FAM234A: variants seen among roughly 807,000 people sequenced by gnomAD.
FAM234A encodes the protein protein FAM234A.
In FAM234A, 42 loss-of-function variants were observed where a neutral mutation model predicts 49.1. That is an observed-to-expected ratio of 0.86 (90% CI 0.67 to 1.11). The LOEUF (loss-of-function observed/expected upper bound fraction) is 1.11, where lower values mean the gene tolerates loss of function less well. Ranked by LOEUF, FAM234A falls within the 50% of genes least tolerant of loss-of-function variation. The pLI is 0.00. For synonymous variants in FAM234A, 369 were observed against 316.2 expected, an observed-to-expected ratio of 1.17 and a Z score of -1.77; for missense variants, 815 against 745.2, an observed-to-expected ratio of 1.09 and a Z score of -1.09.
Position 265,353 on chromosome 16 carries a change from C to A in FAM234A, c.*331C>A, listed in dbSNP as rs2051657124. 2.7e-6 allele frequency: 3 copies of A among 1,112,046 alleles called. No homozygotes were observed. Among genetic ancestry groups the A allele is most frequent in the Non-Finnish European group, 3.3e-6 (3 of 910,072 alleles). 68.9% of individuals were successfully genotyped at this position (1,112,046 alleles called of 1,614,324 possible). Reference sequence around the variant, plus strand: ...TTGGGCAGAGCTGGGTCATGCAGCACCCCATCCTTACCCGGTGCCCTCTCC... The same window carrying A: ...TTGGGCAGAGCTGGGTCATGCAGCAACCCATCCTTACCCGGTGCCCTCTCC... On this transcript the variant is annotated 3_prime_UTR_variant, in exon 13 of 13. Transcript: ENST00000399932.
downstream of FAM234A, chr16:268,921 T>TA (rs1350485684): frequency 1.9e-6 from 3 of 1,550,340 alleles, no homozygotes; most frequent in African/African-American, 4.1e-5. Context: ...TTTACTGGTT[T>TA]TAGAGATGGG....
At chr16:262,633 CTG>C (rs1316091216) in intron 8 of FAM234A, 80 bp downstream of exon 8, 1 of 1,426,514 alleles carries the variant, frequency 7.0e-7, no homozygotes, top group Non-Finnish European at 9.2e-7. Context: ...TTCGGACAAT[CTG>C]TGTGGAGCCC....
chr16:264,770 G>T (rs778224635), intron 12 of FAM234A, 41 bp from the exon 13 acceptor site: 1 of 1,606,648 alleles, frequency 6.2e-7, no homozygotes, highest in African/African-American at 1.3e-5. Flanking sequence ...TGCCCTGGCT[G>T]GTCCTGAGCC....
rs118170172 is a variant in FAM234A at position 258,761 on chromosome 16, G to C, written c.269-722G>C. ...CAGAGGCGCCCCTCACCTCCCGGAG[G>C]GGGCAGCTGGGCCCGGCCTATTTTT... On this transcript the variant is annotated intron_variant, in intron 3 of 12. Coordinates refer to ENST00000399932, the MANE Select transcript of FAM234A (RefSeq NM_032039.4). Among the ~76,000 whole-genome samples the C allele has an allele frequency of 7.5e-3, 1,148 of 152,314 alleles. 44 individuals are homozygous for C. In the East Asian group the frequency reaches 0.12, roughly 15 times the overall value.
chr16:255,238 C>T (rs2141288795), intron 3 of FAM234A, among the ~76,000 whole-genome samples: 1 of 152,284 alleles, frequency 6.6e-6, no homozygotes, highest in Middle Eastern at 3.4e-3. Flanking sequence ...CATCCTCCTC[C>T]CTCGGCCTCC....
At chr16:254,948 G>C (rs1052508429) in intron 3 of FAM234A, among the ~76,000 whole-genome samples, 1 of 152,102 alleles carries the variant, frequency 6.6e-6, no homozygotes, top group Non-Finnish European at 1.5e-5. Flanking sequence ...TTCTGCCTCC[G>C]GAGTTCAAGC....
Position 261,434 on chromosome 16 carries a change from C to G in FAM234A, c.628C>G (p.Leu210Val). The change falls in exon 6 of 13, where the codon CTG becomes GTG. Residue 210 changes from leucine to valine, a missense_variant. Coordinates refer to ENST00000399932, the MANE Select transcript of FAM234A (RefSeq NM_032039.4). ...CAGCTTCAGCGGGAATGCGTCCATC[C>G]TGAGCCCTCTGCTGCAGGTGCCTGA... The part of the protein sequence containing the change: ...SSSFSGNASI[L>V]SPLLQVPDVD... 6.2e-7 allele frequency: 1 copy of G among 1,613,714 alleles called. No individual in the cohort carries two copies.
intron 8 of FAM234A, among the ~76,000 whole-genome samples, chr16:263,060 C>T (rs548091141): frequency 1.3e-5 from 2 of 152,188 alleles, no homozygotes; most frequent in South Asian, 2.1e-4. Flanking sequence ...CCTCGTGATC[C>T]GCCCGCCTCG....
chr16:263,937 G>T, intron 10 of FAM234A, 79 bp from the exon 11 acceptor site: 3 of 1,498,412 alleles, frequency 2.0e-6, no homozygotes, highest in Non-Finnish European at 2.8e-6. Context: ...CATGGCTGAG[G>T]GCACGTGTGC....
downstream of FAM234A, among the ~76,000 whole-genome samples, chr16:267,686 C>T (rs1242910157): frequency 1.3e-5 from 2 of 150,912 alleles, no homozygotes; most frequent in Non-Finnish European, 3.0e-5. Flanking sequence ...CACCTGCACA[C>T]GTGCACTACA....
downstream of FAM234A, chr16:269,629 C>T (rs1039450029): frequency 6.9e-6 from 10 of 1,444,492 alleles, no homozygotes; most frequent in Middle Eastern, 5.2e-4. Flanking sequence ...TGCCTCCTCA[C>T]CTCTCAGCCA....
At chr16:241,159 G>A (rs1022996510) in intron 1 of FAM234A, among the ~76,000 whole-genome samples, 8 of 151,988 alleles carry the variant, frequency 5.3e-5, no homozygotes, top group African/African-American at 1.5e-4. Flanking sequence ...GCGCTCGAGT[G>A]ATCTTCCTGC....
rs769851441 is a variant in FAM234A at position 263,249 on chromosome 16, C to T, written c.972-13C>T. 2.5e-6 allele frequency: 4 copies of T among 1,609,454 alleles called. No individual in the cohort carries two copies. Among genetic ancestry groups the T allele is most frequent in the Non-Finnish European group, 3.4e-6 (4 of 1,178,164 alleles). On this transcript the variant is annotated splice_polypyrimidine_tract_variant and intron_variant, in intron 8 of 12. Transcript: ENST00000399932. ...GGGGACCCGGCGCCCCTTTCTCCCACTCTCCTGTCTAGCTCTGGAGCAGTG... is the reference window on the plus strand; with the variant it reads ...GGGGACCCGGCGCCCCTTTCTCCCATTCTCCTGTCTAGCTCTGGAGCAGTG...
At chr16:263,566 G>T in intron 9 of FAM234A, 134 bp from the exon 10 acceptor site, 3 of 1,262,068 alleles carry the variant, frequency 2.4e-6, no homozygotes, top group Non-Finnish European at 3.4e-6. Flanking sequence ...TGCCCCAGAC[G>T]TCGGCTCCGT....
At chr16:269,557 T>C, downstream of FAM234A, 1 of 1,613,388 alleles carries the variant, frequency 6.2e-7, no homozygotes, top group Non-Finnish European at 8.5e-7. Context: ...CTTGTACATG[T>C]CAGACTTCAG....
intron 1 of FAM234A, among the ~76,000 whole-genome samples, chr16:237,190 G>A (rs1053751779): frequency 1.3e-5 from 2 of 152,118 alleles, no homozygotes; most frequent in African/African-American, 4.8e-5. Context: ...ACAGGTGTGA[G>A]CCACCATGCC....
intron 1 of FAM234A, among the ~76,000 whole-genome samples, chr16:247,975 G>A (rs1327405774): frequency 6.6e-6 from 1 of 152,090 alleles, no homozygotes; most frequent in Non-Finnish European, 1.5e-5. Flanking sequence ...TCAGAGTGGA[G>A]CCCAGTGCTG....
intron 3 of FAM234A, among the ~76,000 whole-genome samples, chr16:255,573 C>T (rs550640791): frequency 6.6e-6 from 1 of 152,286 alleles, no homozygotes; most frequent in Admixed American, 6.5e-5. Flanking sequence ...GACCCTGTCT[C>T]AAAAAGAGAA....
Position 264,662 on chromosome 16 carries a change from C to T in FAM234A, c.1393C>T (p.Pro465Ser), listed in dbSNP as rs1360240684. The change falls in exon 12 of 13, where the codon CCG becomes TCG. Residue 465 changes from proline to serine, a missense_variant. Transcript: ENST00000399932. ...CCTGTACATGTTCCACCCCACCCTG[C>T]CGCGCGTGCTGCTGGAGCTGGCCAA... ...HSLYMFHPTLPRVLLELANVS... is the reference protein window; with the variant it reads ...HSLYMFHPTLSRVLLELANVS... 3 of 1,612,002 alleles carry T rather than the reference C, an allele frequency of 1.9e-6. No individual in the cohort carries two copies. Among genetic ancestry groups the T allele is most frequent in the African/African-American group, 2.7e-5 (2 of 75,056 alleles).
Sources: gnomAD v4.1 joint callset for allele counts (sites outside exome capture counted in the v4.1 genomes callset) on GRCh38, gnomAD v4.1.1 for gene constraint, MANE v1.5 for transcripts, NCBI Gene and HGNC (gene_info 2026-07-23, HGNC 2026-07-21) for gene names.